The following MEF2C variants were observed in gnomAD, a reference collection of about 807,000 sequenced individuals.
MEF2C encodes myocyte enhancer factor 2C.
Under a neutral mutation model 50.5 loss-of-function variants are expected in MEF2C, and 6 were observed. That is an observed-to-expected ratio of 0.12 (90% CI 0.07 to 0.23). The LOEUF is 0.23. MEF2C is among the 10% of genes least tolerant of loss of function. MEF2C has a pLI of 1.00. For synonymous variants in MEF2C, 183 were observed against 228.0 expected, an observed-to-expected ratio of 0.80 and a Z score of 1.78; for missense variants, 276 against 605.0, an observed-to-expected ratio of 0.46 and a Z score of 5.70.
chr5:88,783,883 C>A (rs745997893), intron 3 of MEF2C, among the ~76,000 whole-genome samples: 1 of 152,088 alleles, frequency 6.6e-6, no homozygotes, highest in African/African-American at 2.4e-5. Context: ...TTTCTCCTGG[C>A]ATCAATATAA....
intron 5 of MEF2C, 22 bp from the exon 6 acceptor site, chr5:88,749,139 C>A (rs1350363197): frequency 1.3e-6 from 2 of 1,552,974 alleles, no homozygotes; most frequent in South Asian, 1.2e-5. Flanking sequence ...AGAGGAAGAT[C>A]AAAACGAGAA....
intron 1 of MEF2C, among the ~76,000 whole-genome samples, chr5:88,895,013 G>A (rs1218897309): frequency 6.6e-6 from 1 of 152,140 alleles, no homozygotes; most frequent in Non-Finnish European, 1.5e-5. Context: ...TTTGCCGAGA[G>A]AAGCACATGA....
intron 1 of MEF2C, among the ~76,000 whole-genome samples, chr5:88,845,212 C>A (rs1241652518): frequency 1.3e-5 from 2 of 152,192 alleles, no homozygotes; most frequent in African/African-American, 2.4e-5. Flanking sequence ...CATATCCTCC[C>A]GTGTCAATGG....
intron 1 of MEF2C, among the ~76,000 whole-genome samples, chr5:88,897,207 G>T (rs1430065512): frequency 6.6e-6 from 1 of 152,152 alleles, no homozygotes; most frequent in Non-Finnish European, 1.5e-5. Context: ...TTGCAATGAT[G>T]ATTAACTTAC....
At chr5:88,740,120 C>G in intron 6 of MEF2C, 1 of 985,318 alleles carries the variant, frequency 1.0e-6, no homozygotes, top group Non-Finnish European at 1.2e-6. Context: ...AAAAAGAGAG[C>G]TGTCTCTTCT....
chr5:88,807,782 A>C (rs1233520172), intron 2 of MEF2C, among the ~76,000 whole-genome samples: 1 of 152,208 alleles, frequency 6.6e-6, no homozygotes, highest in Non-Finnish European at 1.5e-5. Context: ...GGCTATTTGA[A>C]GATGTTATTA....
chr5:88,860,855 T>C (rs1825260606), intron 1 of MEF2C, among the ~76,000 whole-genome samples: 1 of 152,200 alleles, frequency 6.6e-6, no homozygotes, highest in African/African-American at 2.4e-5. Flanking sequence ...TAAGGAAATT[T>C]AGAGAATTTA....
intron 1 of MEF2C, among the ~76,000 whole-genome samples, chr5:88,845,222 G>A (rs1381126345): frequency 6.6e-6 from 1 of 152,158 alleles, no homozygotes; most frequent in Non-Finnish European, 1.5e-5. Flanking sequence ...CGTGTCAATG[G>A]TGCCTATAAT....
At chr5:88,756,086 A>T (rs1043158023) in intron 4 of MEF2C, among the ~76,000 whole-genome samples, 16 of 152,264 alleles carry the variant, frequency 1.1e-4, no homozygotes, top group African/African-American at 3.6e-4. Flanking sequence ...CAAAATTCAT[A>T]AAATATACCA....
intron 3 of MEF2C, chr5:88,770,067 C>A: frequency 1.1e-6 from 1 of 880,396 alleles, no homozygotes; most frequent in Non-Finnish European, 1.4e-6. Flanking sequence ...AAGGAAAAGA[C>A]AAGACAGAAC....
At chr5:88,801,525 C>A (rs1798338542) in intron 3 of MEF2C, among the ~76,000 whole-genome samples, 1 of 151,330 alleles carries the variant, frequency 6.6e-6, no homozygotes, top group Non-Finnish European at 1.5e-5. Context: ...CGGAGTCTCA[C>A]CCTGTCGCCT....
At chr5:88,870,597 A>G (rs1192390311) in intron 1 of MEF2C, among the ~76,000 whole-genome samples, 2 of 152,124 alleles carry the variant, frequency 1.3e-5, no homozygotes, top group Non-Finnish European at 2.9e-5. Context: ...ATTCTTTCCA[A>G]CATGATGAAC....
At chr5:88,887,630 G>C (rs1834140192), upstream of MEF2C, 1 of 152,152 alleles carries the variant, frequency 6.6e-6, no homozygotes, top group African/African-American at 2.4e-5. Flanking sequence ...ACAGTATATA[G>C]TATTTTGTTA....
rs1353760829 is a variant in MEF2C at position 88,722,610 on chromosome 5, T to C, written c.1416A>G (p.Ala472=). 1.2e-6 allele frequency: 2 copies of C among 1,607,250 alleles called. No homozygotes were observed. The highest frequency in any genetic ancestry group is 2.7e-5 in the African/African-American group (2 of 74,262). The change falls in exon 11 of 11, where the codon GCA becomes GCG. Residue 472 remains alanine (A), a synonymous_variant. Coordinates refer to ENST00000504921, the MANE Select transcript of MEF2C (RefSeq NM_002397.5). ...VKRMRLSEGW[A]T is the part of the protein sequence containing the mutation. Reference sequence around the variant, plus strand: ...CTAGTAAGTAATAATCTGATCATGTTGCCCATCCTTCAGAAAGTCGCATGC... The same window carrying C: ...CTAGTAAGTAATAATCTGATCATGTCGCCCATCCTTCAGAAAGTCGCATGC...
intron 1 of MEF2C, among the ~76,000 whole-genome samples, chr5:88,899,592 C>G (rs950193714): frequency 6.6e-6 from 1 of 152,098 alleles, no homozygotes; most frequent in African/African-American, 2.4e-5. Flanking sequence ...TTGAAGAACA[C>G]TCTTTAACTC....
intron 1 of MEF2C, among the ~76,000 whole-genome samples, chr5:88,828,991 A>G (rs1302975275): frequency 2.0e-5 from 3 of 151,766 alleles, no homozygotes; most frequent in African/African-American, 4.8e-5. Flanking sequence ...CATACCCAAG[A>G]CTCACTCTTC....
chr5:88,841,802 C>T (rs1216986662), intron 1 of MEF2C, among the ~76,000 whole-genome samples: 1 of 152,148 alleles, frequency 6.6e-6, no homozygotes, highest in Non-Finnish European at 1.5e-5. Flanking sequence ...TGTAATATGT[C>T]AGGGAATAAA....
chr5:88,841,368 G>T (rs1002986804), intron 1 of MEF2C, among the ~76,000 whole-genome samples: 1 of 152,050 alleles, frequency 6.6e-6, no homozygotes, highest in African/African-American at 2.4e-5. Flanking sequence ...TTAAGTGGGT[G>T]TGGTGGCGCA....
intron 3 of MEF2C, among the ~76,000 whole-genome samples, chr5:88,799,913 CAG>C (rs60801087): frequency 0.085 from 5,417 of 63,508 alleles, 268 homozygotes; most frequent in East Asian, 0.29. Context: ...CACACACACA[CAG>C]AGAGAGAGAC....
Sources: allele counts gnomAD v4.1 joint callset (sites outside exome capture counted in the v4.1 genomes callset), GRCh38; gene constraint gnomAD v4.1.1; transcripts MANE v1.5; gene names NCBI Gene and HGNC (gene_info 2026-07-23, HGNC 2026-07-21).